Variants in SNTB1 observed in about 807,000 individuals in gnomAD.
The protein encoded by SNTB1 is syntrophin beta 1.
SNTB1 carries 36 observed loss-of-function variants against 48.9 expected under a neutral mutation model. That is an observed-to-expected ratio of 0.74 (90% CI 0.56 to 0.97). The LOEUF (loss-of-function observed/expected upper bound fraction) is 0.97. SNTB1 is among the 50% of genes least tolerant of loss of function. The probability of loss-of-function intolerance (pLI) is 0.00; values close to 1 mark genes in which losing one functional copy is unlikely to be tolerated. For missense variants in SNTB1, 786 were observed against 703.4 expected, an observed-to-expected ratio of 1.12 and a Z score of -1.33; for synonymous variants, 299 against 294.6, an observed-to-expected ratio of 1.01 and a Z score of -0.15.
intron 1 of SNTB1, among the ~76,000 whole-genome samples, chr8:120,738,890 C>T (rs558105016): frequency 6.6e-6 from 1 of 152,262 alleles, no homozygotes; most frequent in Non-Finnish European, 1.5e-5. Flanking sequence ...TGACTCTATT[C>T]TCTGCTCTGT....
At chr8:120,540,751 T>A (rs540685307) in intron 6 of SNTB1, among the ~76,000 whole-genome samples, 1 of 152,318 alleles carries the variant, frequency 6.6e-6, no homozygotes, top group African/African-American at 2.4e-5. Context: ...AGAAAGTGAA[T>A]GTCAGCAAAC....
chr8:120,642,412 A>G (rs1817210973), intron 2 of SNTB1, among the ~76,000 whole-genome samples: 1 of 152,230 alleles, frequency 6.6e-6, no homozygotes, highest in African/African-American at 2.4e-5. Context: ...AAAAATCTCC[A>G]GAGATTGAAG....
At chr8:120,809,571 A>C (rs1388995599) in intron 1 of SNTB1, among the ~76,000 whole-genome samples, 2 of 152,176 alleles carry the variant, frequency 1.3e-5, no homozygotes, top group Non-Finnish European at 2.9e-5. Flanking sequence ...GGGACATTAT[A>C]AAGTATGGTA....
chr8:120,689,370 AGT>A (rs1563852350), intron 2 of SNTB1, among the ~76,000 whole-genome samples: 1 of 152,174 alleles, frequency 6.6e-6, no homozygotes. Flanking sequence ...AGTTAGAGGC[AGT>A]GTGTGTGATG....
chr8:120,811,713 T>G lies in SNTB1; in HGVS notation c.131A>C (p.Asp44Ala). ...CTCCTCGCTGCTCAGAACCAGGGCGTCCTCGCTCAAGTTCACCAGAACTTT... is the reference window on the plus strand; with the variant it reads ...CTCCTCGCTGCTCAGAACCAGGGCGGCCTCGCTCAAGTTCACCAGAACTTT... ...WHKVLVNLSE[D>A]ALVLSSEEGA... Residue 44 changes from aspartate (D) to alanine (A), a missense_variant, in exon 1 of 7, where the codon GAC (aspartate) becomes GCC (alanine). Transcript: ENST00000517992. 6.3e-7 allele frequency: 1 copy of G among 1,576,624 alleles called. No individual in the cohort carries two copies. Among genetic ancestry groups the G allele is most frequent in the African/African-American group, 1.4e-5 (1 of 70,910 alleles).
intron 1 of SNTB1, among the ~76,000 whole-genome samples, chr8:120,697,501 T>C (rs1408726152): frequency 6.6e-6 from 1 of 152,224 alleles, no homozygotes; most frequent in African/African-American, 2.4e-5. Context: ...GTAAATGATA[T>C]GAGTGCTTAT....
chr8:120,758,650 T>A (rs1819359272), intron 1 of SNTB1, among the ~76,000 whole-genome samples: 2 of 152,138 alleles, frequency 1.3e-5, no homozygotes, highest in Non-Finnish European at 2.9e-5. Flanking sequence ...TATACCTGTT[T>A]CCAGGCCAAA....
rs951184123 is a variant in SNTB1 at position 120,554,945 on chromosome 8, A to G, written c.1137-5987T>C. 2.6e-5 allele frequency among the ~76,000 whole-genome samples: 4 copies of G among 152,314 alleles called. No homozygotes were observed. The South Asian group carries it at 8.3e-4, about 32-fold the overall frequency. ...TTCAAGTCCTTTCTCCCTTCCTTAC[A>G]AAAGAACACCAAAAATCACTCGCTA... On this transcript the variant is annotated intron_variant, in intron 4 of 6. Coordinates refer to ENST00000517992, the MANE Select transcript of SNTB1 (RefSeq NM_021021.4).
At chr8:120,600,321 C>T (rs1050653668) in intron 3 of SNTB1, among the ~76,000 whole-genome samples, 1 of 152,240 alleles carries the variant, frequency 6.6e-6, no homozygotes, top group Admixed American at 6.5e-5. Flanking sequence ...AGACAGAGAA[C>T]ATGGAGAACA....
chr8:120,556,163 A>C (rs1815563605), intron 4 of SNTB1, among the ~76,000 whole-genome samples: 1 of 152,158 alleles, frequency 6.6e-6, no homozygotes, highest in African/African-American at 2.4e-5. Flanking sequence ...CTCCCCTCCT[A>C]ATTCCCATGG....
At chr8:120,611,043 G>A (rs1371931740) in intron 3 of SNTB1, among the ~76,000 whole-genome samples, 1 of 152,210 alleles carries the variant, frequency 6.6e-6, no homozygotes, top group African/African-American at 2.4e-5. Context: ...TGACACAGAG[G>A]TGGTGGTGGC....
Position 120,728,303 on chromosome 8 carries a change from T to G in SNTB1, c.572-34395A>C, listed in dbSNP as rs367953338. Among the ~76,000 whole-genome samples, 11 of 152,304 alleles carry G rather than the reference T, an allele frequency of 7.2e-5. No individual in the cohort carries two copies. The South Asian group carries it at 2.3e-3, about 32-fold the overall frequency. On this transcript the variant is annotated intron_variant, in intron 1 of 6. Transcript: ENST00000517992. ...GCCACTGTGTCCGGCTGTGAAGTAT[T>G]TTTTAAACAAAATATTTATTATTTT...
At chr8:120,573,352 G>T (rs1244748202) in intron 4 of SNTB1, among the ~76,000 whole-genome samples, 1 of 152,038 alleles carries the variant, frequency 6.6e-6, no homozygotes, top group Non-Finnish European at 1.5e-5. Context: ...ACATCTGTAT[G>T]TCTTCTTTGG....
chr8:120,690,280 A>C (rs1394256687), intron 2 of SNTB1, among the ~76,000 whole-genome samples: 1 of 152,156 alleles, frequency 6.6e-6, no homozygotes, highest in Admixed American at 6.5e-5. Flanking sequence ...GGTTTCAGGC[A>C]TCTATTGGGG....
intron 2 of SNTB1, among the ~76,000 whole-genome samples, chr8:120,674,594 G>A (rs747896626): frequency 6.6e-5 from 10 of 152,282 alleles, no homozygotes; most frequent in South Asian, 2.1e-4. Context: ...GGGCAAGGAC[G>A]TCTTCAATGC....
chr8:120,648,786 C>T (rs1165932011), intron 2 of SNTB1, among the ~76,000 whole-genome samples: 1 of 152,220 alleles, frequency 6.6e-6, no homozygotes, highest in Non-Finnish European at 1.5e-5. Flanking sequence ...CCATTCTCCC[C>T]ATCACTTTCA....
chr8:120,708,733 A>C (rs1393668049), intron 1 of SNTB1, among the ~76,000 whole-genome samples: 2 of 152,356 alleles, frequency 1.3e-5, no homozygotes, highest in East Asian at 3.9e-4. Context: ...AGTGAGGAAA[A>C]TACATTTTAT....
chr8:120,706,858 C>A (rs1017245177), intron 1 of SNTB1, among the ~76,000 whole-genome samples: 7 of 152,082 alleles, frequency 4.6e-5, no homozygotes, highest in African/African-American at 1.7e-4. Context: ...GTGACAGAAG[C>A]CCAGAGTCAT....
chr8:120,773,673 G>A (rs931308138), intron 1 of SNTB1, among the ~76,000 whole-genome samples: 1 of 152,062 alleles, frequency 6.6e-6, no homozygotes, highest in Non-Finnish European at 1.5e-5. Context: ...AAAGATTACC[G>A]CCCAAACCCA....
Sources: allele counts gnomAD v4.1 joint callset (sites outside exome capture counted in the v4.1 genomes callset), GRCh38; gene constraint gnomAD v4.1.1; transcripts MANE v1.5; gene names NCBI Gene and HGNC (gene_info 2026-07-23, HGNC 2026-07-21).